The following ALK variants were observed in gnomAD, a reference collection of about 807,000 sequenced individuals.
ALK encodes the protein ALK tyrosine kinase receptor.
A neutral mutation model predicts 163.1 loss-of-function variants in ALK; 74 were observed. That is an observed-to-expected ratio of 0.45 (90% CI 0.38 to 0.55). The LOEUF (loss-of-function observed/expected upper bound fraction) is 0.55, where lower values mean the gene tolerates loss of function less well. Ranked by LOEUF, ALK falls within the 20% of genes least tolerant of loss-of-function variation. ALK has a pLI of 0.00. For missense variants in ALK, 2,063 were observed against 2,105.3 expected, an observed-to-expected ratio of 0.98 and a Z score of 0.39; for synonymous variants, 960 against 843.2, an observed-to-expected ratio of 1.14 and a Z score of -2.40.
chr2:29,384,948 G>A (rs1668993487), intron 4 of ALK, among the ~76,000 whole-genome samples: 1 of 152,044 alleles, frequency 6.6e-6, no homozygotes, highest in African/African-American at 2.4e-5. Context: ...CTACTAGGGA[G>A]GCTGAGGCAG....
intron 1 of ALK, among the ~76,000 whole-genome samples, chr2:29,752,455 T>C (rs997117333): frequency 6.7e-6 from 1 of 149,670 alleles, no homozygotes; most frequent in African/African-American, 2.5e-5. Context: ...GTTCACGCCA[T>C]TCTCCTGCCT....
intron 4 of ALK, among the ~76,000 whole-genome samples, chr2:29,430,191 A>G (rs1381191186): frequency 1.3e-5 from 2 of 152,192 alleles, no homozygotes; most frequent in African/African-American, 2.4e-5. Context: ...ATAAAAAAAT[A>G]GAAAAATTAG....
At chr2:29,218,720 G>C (rs1365919732) in intron 23 of ALK, among the ~76,000 whole-genome samples, 1 of 152,244 alleles carries the variant, frequency 6.6e-6, no homozygotes, top group Non-Finnish European at 1.5e-5. Context: ...CTCTCCTTAA[G>C]CCTCAGGAAG....
rs754062671 is a variant in ALK at position 29,214,099 on chromosome 2, C to G, written c.3646-18G>C. On this transcript the variant is annotated intron_variant, in intron 23 of 28. Coordinates refer to ENST00000389048, the MANE Select transcript of ALK (RefSeq NM_004304.5). ...GGCTGGCTCTGTGGGGAGACAGAAG[C>G]GGGCCACTGACGAGGAGCTTGTCAG... The G allele has an allele frequency of 2.5e-6, 4 of 1,608,504 alleles. No homozygotes were observed. Among genetic ancestry groups the G allele is most frequent in the South Asian group, 2.2e-5 (2 of 90,966 alleles).
chr2:29,242,070 C>A (rs1388539903), intron 12 of ALK, among the ~76,000 whole-genome samples: 1 of 152,106 alleles, frequency 6.6e-6, no homozygotes, highest in Non-Finnish European at 1.5e-5. Context: ...AATTAAAAGG[C>A]TGAGAAAAAG....
At chr2:29,655,750 G>A (rs1237924772) in intron 3 of ALK, among the ~76,000 whole-genome samples, 2 of 152,190 alleles carry the variant, frequency 1.3e-5, no homozygotes, top group African/African-American at 2.4e-5. Flanking sequence ...AGAAGTTCTA[G>A]ATACTCTTCA....
At chr2:29,505,098 G>A (rs1008295828) in intron 4 of ALK, among the ~76,000 whole-genome samples, 1 of 152,222 alleles carries the variant, frequency 6.6e-6, no homozygotes, top group African/African-American at 2.4e-5. Flanking sequence ...GGAGGCATTA[G>A]TAATTGGACC....
intron 1 of ALK, among the ~76,000 whole-genome samples, chr2:29,886,121 T>A (rs1445759638): frequency 6.6e-6 from 1 of 152,206 alleles, no homozygotes. Context: ...GTAAACGTAT[T>A]TTCTCTTTTT....
At chr2:29,298,429 G>T (rs1573204964) in intron 8 of ALK, among the ~76,000 whole-genome samples, 1 of 152,156 alleles carries the variant, frequency 6.6e-6, no homozygotes, top group East Asian at 1.9e-4. Flanking sequence ...CTCAGCCCAT[G>T]CCATGCAGTG....
intron 3 of ALK, among the ~76,000 whole-genome samples, chr2:29,665,161 A>G (rs1242296735): frequency 1.3e-5 from 2 of 151,238 alleles, no homozygotes; most frequent in Non-Finnish European, 2.9e-5. Context: ...TAATTCTTGT[A>G]TTTTTTGTAA....
intron 3 of ALK, among the ~76,000 whole-genome samples, chr2:29,566,804 T>G (rs1007392565): frequency 6.6e-6 from 1 of 152,066 alleles, no homozygotes; most frequent in Non-Finnish European, 1.5e-5. Context: ...GAGATAAGGT[T>G]GAAGGAAAGT....
intron 8 of ALK, among the ~76,000 whole-genome samples, chr2:29,298,815 C>A (rs1666278219): frequency 6.6e-6 from 1 of 152,194 alleles, no homozygotes; most frequent in African/African-American, 2.4e-5. Flanking sequence ...CTGCATCCTT[C>A]ACTGTCTTCC....
rs2148137387 is a variant in ALK at position 29,193,372 on chromosome 2, A to C, written c.4715T>G (p.Phe1572Cys). 1.2e-6 allele frequency: 2 copies of C among 1,614,190 alleles called. No homozygotes were observed. The highest frequency in any genetic ancestry group is 1.7e-6 in the Non-Finnish European group (2 of 1,180,030). Residue 1572 changes from phenylalanine to cysteine, a missense_variant, in exon 29 of 29, where the codon TTC becomes TGC. Physicochemically the swap from Phe to Cys is radical, Grantham distance 205. This residue lies in a region of ALK where 403 missense variants were observed against 366.2 expected (regional missense o/e 1.10). Transcript: ENST00000389048. Reference sequence around the variant, plus strand: ...CCCACAAGGGAAGTGACGTAGCCTGAACAGAGGTACCTCCTTCATATTGGC... The same window carrying C: ...CCCACAAGGGAAGTGACGTAGCCTGCACAGAGGTACCTCCTTCATATTGGC... Reference protein sequence around the residue: ...LTANMKEVPLFRLRHFPCGNV... With the variant: ...LTANMKEVPLCRLRHFPCGNV...
chr2:29,491,803 C>T (rs10168248), intron 4 of ALK, among the ~76,000 whole-genome samples: 54,781 of 151,990 alleles, frequency 0.36, 10,290 homozygotes, highest in East Asian at 0.66. Flanking sequence ...GTGCTGAGAA[C>T]CCAGGCTCGG....
chr2:29,488,464 G>A (rs963995690), intron 4 of ALK, among the ~76,000 whole-genome samples: 1 of 152,166 alleles, frequency 6.6e-6, no homozygotes, highest in Non-Finnish European at 1.5e-5. Flanking sequence ...TTCAGGGTAT[G>A]TCAAGCAGTT....
At chr2:29,683,090 A>T (rs1168383737) in intron 3 of ALK, among the ~76,000 whole-genome samples, 4 of 152,180 alleles carry the variant, frequency 2.6e-5, no homozygotes, top group Admixed American at 2.6e-4. Context: ...TTGATCAAGC[A>T]TGAAGGCTGG....
intron 3 of ALK, among the ~76,000 whole-genome samples, chr2:29,585,671 A>G (rs1674865708): frequency 2.0e-5 from 3 of 151,934 alleles, no homozygotes; most frequent in African/African-American, 7.3e-5. Context: ...CCATATACAA[A>G]TTTTTATCTT....
intron 3 of ALK, among the ~76,000 whole-genome samples, chr2:29,568,871 T>C (rs1244696975): frequency 1.3e-5 from 2 of 152,136 alleles, no homozygotes; most frequent in Admixed American, 1.3e-4. Context: ...CCATGGGCAA[T>C]GACAGCACTT....
intron 1 of ALK, among the ~76,000 whole-genome samples, chr2:29,822,076 T>C (rs1665063784): frequency 6.6e-6 from 1 of 152,204 alleles, no homozygotes. Flanking sequence ...TCTATTGTCC[T>C]TTTCCCTAAA....
Sources: gnomAD v4.1 joint callset for allele counts (sites outside exome capture counted in the v4.1 genomes callset) on GRCh38, gnomAD v4.1.1 for gene constraint, gnomAD v4.1.1 regional missense constraint, MANE v1.5 for transcripts, NCBI Gene and HGNC (gene_info 2026-07-23, HGNC 2026-07-21) for gene names.